Variants in TBC1D4 observed in about 807,000 individuals in gnomAD.
TBC1D4 encodes the protein TBC (Tre-2, BUB2, CDC16) domain-containing protein.
Under a neutral mutation model 142.5 loss-of-function variants are expected in TBC1D4, and 121 were observed. The ratio of observed to expected loss-of-function variants is 0.85; its 90% CI spans 0.73 to 0.99. The LOEUF (loss-of-function observed/expected upper bound fraction) is 0.99. Ranked by LOEUF, TBC1D4 falls within the 50% of genes least tolerant of loss-of-function variation. The pLI, the probability that TBC1D4 is intolerant of heterozygous loss-of-function variation, is 0.00. For synonymous variants in TBC1D4, 630 were observed against 628.2 expected, an observed-to-expected ratio of 1.00 and a Z score of -0.04; for missense variants, 1,475 against 1,606.6, an observed-to-expected ratio of 0.92 and a Z score of 1.40.
intron 1 of TBC1D4, among the ~76,000 whole-genome samples, chr13:75,385,995 CCTG>C (rs989536142): frequency 6.6e-6 from 1 of 152,276 alleles, no homozygotes; most frequent in African/African-American, 2.4e-5. Context: ...GCCCTCGTGT[CCTG>C]CTATGAACCT....
rs367935406 is a variant in TBC1D4 at position 75,302,352 on chromosome 13, C to T, written c.2802G>A (p.Gln934=). The change falls in exon 16 of 21, where the codon CAG becomes CAA. Residue 934 remains glutamine, a synonymous_variant. Coordinates refer to ENST00000377636, the MANE Select transcript of TBC1D4 (RefSeq NM_014832.5). The part of the protein sequence containing the change: ...RGEIWQFLAL[Q]YRLRHRLPNK... ...TAGGCAATCTGTGTCTGAGTCGGTA[C>T]TGTAAAGCCAGAAACTGCCAAATTT... The T allele has an allele frequency of 5.0e-6, 8 of 1,614,084 alleles. No homozygotes were observed. The highest frequency in any genetic ancestry group is 5.9e-6 in the Non-Finnish European group (7 of 1,180,036).
intron 8 of TBC1D4, among the ~76,000 whole-genome samples, chr13:75,331,540 T>G (rs934501481): frequency 1.3e-5 from 2 of 152,028 alleles, no homozygotes; most frequent in African/African-American, 4.8e-5. Flanking sequence ...ATATTTCTGT[T>G]TTGGAAAACA....
At position 75,304,287 on chromosome 13, in the gene TBC1D4, C is replaced by T. The variant is rs117299488; in HGVS notation, c.2753-1886G>A. On this transcript the variant is annotated intron_variant, in intron 15 of 20. Transcript: ENST00000377636. ...ATAATAAATGTACAAAAAGCAACTT[C>T]ATTCCAGTCAAACAAACATTTATTG... Among the ~76,000 whole-genome samples the T allele has an allele frequency of 7.9e-5, 12 of 152,302 alleles. No individual in the cohort carries two copies. In the East Asian group the frequency reaches 2.1e-3, roughly 27 times the overall value.
chr13:75,444,749 GATGTTTGTTCATAAACCTGT>G lies in TBC1D4; in HGVS notation c.498+36501_498+36520del, dbSNP rs550870864. 2.2e-4 allele frequency among the ~76,000 whole-genome samples: 34 copies of G among 152,274 alleles called. No homozygotes were observed. In the East Asian group the frequency reaches 5.4e-3, roughly 24 times the overall value. ...GTTGATCATTTATCACTGCAGTCTG[GATGTTTGTTCATAAACCTGT>G]ATTTCAAATTCTGTGTTGGTGGTGT... On this transcript the variant is annotated intron_variant, in intron 1 of 20. Transcript: ENST00000377636.
At chr13:75,336,437 G>A (rs139481220) in intron 8 of TBC1D4, among the ~76,000 whole-genome samples, 223 of 151,882 alleles carry the variant, frequency 1.5e-3, no homozygotes, top group Non-Finnish European at 2.3e-3. Flanking sequence ...GGCATGGATG[G>A]TGGCTCACAC....
At chr13:75,447,828 GC>G (rs1887357028) in intron 1 of TBC1D4, among the ~76,000 whole-genome samples, 1 of 152,058 alleles carries the variant, frequency 6.6e-6, no homozygotes, top group Non-Finnish European at 1.5e-5. Context: ...GATCTAAGTT[GC>G]AGGCTCCTTA....
intron 1 of TBC1D4, among the ~76,000 whole-genome samples, chr13:75,442,279 A>C (rs903722586): frequency 2.6e-5 from 4 of 152,212 alleles, no homozygotes; most frequent in Admixed American, 2.6e-4. Flanking sequence ...CTTACCACAG[A>C]ATCATTTTAG....
At chr13:75,394,214 T>C (rs7329254) in intron 1 of TBC1D4, among the ~76,000 whole-genome samples, 139,396 of 152,256 alleles carry the variant, frequency 0.92, 64,915 homozygotes, top group East Asian at 1. Flanking sequence ...ATGACACTAG[T>C]AAACAGAGCT....
intron 17 of TBC1D4, among the ~76,000 whole-genome samples, chr13:75,299,041 A>G (rs1011350751): frequency 2.0e-5 from 3 of 152,208 alleles, no homozygotes; most frequent in Non-Finnish European, 4.4e-5. Flanking sequence ...TAACCCATAG[A>G]CTTAGGGCAT....
rs371913814 is a variant in TBC1D4, at chr13:75,362,345, T to C, written c.761A>G (p.Asp254Gly). The C allele has an allele frequency of 2.5e-5, 41 of 1,614,030 alleles. No homozygotes were observed. Among genetic ancestry groups the C allele is most frequent in the Non-Finnish European group, 3.4e-5 (40 of 1,180,044 alleles). ...GGACCCGGGCACCACCACCTCCAAG[T>C]CAGCCAGGTCCTCTCCTGGGTCCGG... ...RGPDPGEDLA[D>G]LEVVVPGSPG... The change falls in exon 2 of 21, where the codon GAC (aspartate) becomes GGC (glycine). Residue 254 changes from aspartate to glycine, a missense_variant. By Grantham distance (94) the Asp-to-Gly change is moderately conservative. This residue lies in a region of TBC1D4 where 1,227 missense variants were observed against 1,267.7 expected (regional missense o/e 0.97). Coordinates refer to ENST00000377636, the MANE Select transcript of TBC1D4 (RefSeq NM_014832.5). The surrounding 1 kb of genome is among the most constrained non-coding windows in gnomAD (Gnocchi z 4.2).
In TBC1D4 at chr13:75,469,964, T is replaced by C. The variant is rs1035185283; in HGVS notation, c.498+11306A>G. On this transcript the variant is annotated intron_variant, in intron 1 of 20. Coordinates refer to ENST00000377636, the MANE Select transcript of TBC1D4 (RefSeq NM_014832.5). The stretch of plus-strand genomic sequence containing the variant: ...TTGGGTTCAGAGGAGAGGGCTGGGC[T>C]ATAGTAACAAATGTGGAAGCCGTCA... Among the ~76,000 whole-genome samples the C allele has an allele frequency of 3.3e-5, 5 of 152,306 alleles. No individual in the cohort carries two copies. The East Asian group carries it at 7.7e-4, about 24-fold the overall frequency.
At position 75,341,079 on chromosome 13, in the gene TBC1D4, T is replaced by C. The variant is rs80163254; in HGVS notation, c.1611+46A>G. 0.53 allele frequency: 825,777 copies of C among 1,560,336 alleles called. 223,894 individuals are homozygous for C. The highest frequency in any genetic ancestry group is 0.77 in the East Asian group (34,180 of 44,518). ...GTACAAAGGGAAGAATTAACAAAAT[T>C]ATTAAACAACAACAAAAGTAGGTGA... On this transcript the variant is annotated intron_variant, in intron 7 of 20. Coordinates refer to ENST00000377636, the MANE Select transcript of TBC1D4 (RefSeq NM_014832.5).
chr13:75,364,949 C>T (rs141300474), intron 1 of TBC1D4, among the ~76,000 whole-genome samples: 35 of 152,318 alleles, frequency 2.3e-4, no homozygotes, highest in African/African-American at 7.9e-4. Context: ...TTCCATTCTA[C>T]AATTGAGATT....
At chr13:75,370,497 G>A (rs776613381) in intron 1 of TBC1D4, among the ~76,000 whole-genome samples, 1 of 152,176 alleles carries the variant, frequency 6.6e-6, no homozygotes, top group Non-Finnish European at 1.5e-5. Context: ...AAGGGAGGTG[G>A]TTAGGCAGCT....
chr13:75,354,159 T>C (rs908671601), intron 4 of TBC1D4, among the ~76,000 whole-genome samples: 4 of 152,180 alleles, frequency 2.6e-5, no homozygotes, highest in Non-Finnish European at 4.4e-5. Flanking sequence ...TGAAAGGGCA[T>C]AGTATTCCGG....
chr13:75,474,998 G>T (rs75945965), intron 1 of TBC1D4, among the ~76,000 whole-genome samples: 7,542 of 152,192 alleles, frequency 0.05, 358 homozygotes, highest in East Asian at 0.23. Context: ...ATACTGGTAC[G>T]TACTTCACCC....
chr13:75,348,954 A>AGAGAGTGT (rs969343152), intron 5 of TBC1D4, among the ~76,000 whole-genome samples: 5 of 139,166 alleles, frequency 3.6e-5, no homozygotes, highest in African/African-American at 1.4e-4. Flanking sequence ...AGAGAGAGAG[A>AGAGAGTGT]GTGTGTGTGT....
intron 10 of TBC1D4, among the ~76,000 whole-genome samples, chr13:75,325,680 T>C (rs1439555527): frequency 6.6e-6 from 1 of 152,234 alleles, no homozygotes; most frequent in African/African-American, 2.4e-5. Context: ...CTCTTCTTTA[T>C]ACATATCACC....
rs1379358372 is a variant in TBC1D4, at chr13:75,284,461, A to G, written c.*2331T>C. Reference sequence around the variant, plus strand: ...CAAAACATAGATCTCCTGCATGCACAGTTCACAATAGGGTTTGCGCTCCTA... The same window carrying G: ...CAAAACATAGATCTCCTGCATGCACGGTTCACAATAGGGTTTGCGCTCCTA... On this transcript the variant is annotated 3_prime_UTR_variant, in exon 21 of 21. Transcript: ENST00000377636. Among the ~76,000 whole-genome samples the G allele has an allele frequency of 6.6e-6, 1 of 152,180 alleles. No individual in the cohort carries two copies. Among genetic ancestry groups the G allele is most frequent in the Non-Finnish European group, 1.5e-5 (1 of 68,038 alleles).
Sources: allele counts gnomAD v4.1 joint callset (sites outside exome capture counted in the v4.1 genomes callset), GRCh38; gene constraint gnomAD v4.1.1; regional missense constraint gnomAD v4.1.1; non-coding constraint Gnocchi (gnomAD v3.1); transcripts MANE v1.5; gene names NCBI Gene and HGNC (gene_info 2026-07-23, HGNC 2026-07-21).